Variants in TUSC3 observed in about 807,000 individuals in gnomAD.
TUSC3 encodes the protein tumor suppressor candidate 3, also known as dolichyl-diphosphooligosaccharide--protein glycosyltransferase subunit TUSC3.
In TUSC3, 45 loss-of-function variants were observed where a neutral mutation model predicts 44.8. The ratio of observed to expected loss-of-function variants is 1.00; its 90% CI spans 0.79 to 1.29. The LOEUF (loss-of-function observed/expected upper bound fraction) is 1.29, where lower values mean the gene tolerates loss of function less well. TUSC3 is among the 50% of genes most tolerant of loss of function. The pLI is 0.00. For missense variants in TUSC3, 519 were observed against 437.9 expected (o/e 1.19, Z -1.65); for synonymous variants, 212 against 152.9 (o/e 1.39, Z -2.85).
At chr8:15,471,235 G>C (rs1800489717) in intron 1 of TUSC3, among the ~76,000 whole-genome samples, 1 of 152,102 alleles carries the variant, frequency 6.6e-6, no homozygotes, top group African/African-American at 2.4e-5. Flanking sequence ...TGTCTGTATA[G>C]CTCATGTTTA....
At position 15,764,010 on chromosome 8, in the gene TUSC3, C is replaced by T. The variant is rs2721227; in HGVS notation, c.*47-193C>T. On this transcript the variant is annotated intron_variant, in intron 10 of 10. Coordinates refer to ENST00000503731, the MANE Select transcript of TUSC3 (RefSeq NM_006765.4). ...ATCTTCTCTCACCCTGACCCTGTTCCCAACCTAAGCCTCATCTGGTTAAAG... is the reference window on the plus strand; with the variant it reads ...ATCTTCTCTCACCCTGACCCTGTTCTCAACCTAAGCCTCATCTGGTTAAAG... 9.8e-3 allele frequency among the ~76,000 whole-genome samples: 1,486 copies of T among 152,086 alleles called. 9 individuals carry two copies. Among genetic ancestry groups the T allele is most frequent in the Middle Eastern group, 0.027 (8 of 294 alleles).
chr8:15,846,912 A>C, the TUSC3 span, among the ~76,000 whole-genome samples: 3 of 151,570 alleles, frequency 2.0e-5, no homozygotes, highest in Non-Finnish European at 4.4e-5. Flanking sequence ...TTTAAGCCAA[A>C]GGGGGGAATA....
At chr8:15,509,406 C>G (rs368968267) in intron 2 of TUSC3, among the ~76,000 whole-genome samples, 1 of 152,068 alleles carries the variant, frequency 6.6e-6, no homozygotes, top group Non-Finnish European at 1.5e-5. Context: ...GTCAAGTGTT[C>G]GAAACCAGCC....
At chr8:15,538,917 G>C (rs1801578687), upstream of TUSC3, among the ~76,000 whole-genome samples, 1 of 150,304 alleles carries the variant, frequency 6.7e-6, no homozygotes. Context: ...TAGCATGATC[G>C]GAACTCACTG....
At position 15,561,217 on chromosome 8, in the gene TUSC3, C is replaced by G. The variant is rs542138393; in HGVS notation, c.138+20649C>G. 2.5e-3 allele frequency among the ~76,000 whole-genome samples: 351 copies of G among 138,978 alleles called. 3 individuals carry two copies. The highest frequency in any genetic ancestry group is 8.8e-3 in the African/African-American group (334 of 38,084). 91.2% of individuals were successfully genotyped at this position (138,978 alleles called of 152,430 possible). A position where few individuals can be genotyped will look rare whatever the true frequency, so the allele number is the denominator to read the frequency against. On this transcript the variant is annotated intron_variant, in intron 1 of 10. Transcript: ENST00000503731. ...TCCTTTCTGTTTGTTAGTTTTCCTTCTAACAGACAGGACCCTCAGCTGCAG... is the reference window on the plus strand; with the variant it reads ...TCCTTTCTGTTTGTTAGTTTTCCTTGTAACAGACAGGACCCTCAGCTGCAG...
intron 1 of TUSC3, among the ~76,000 whole-genome samples, chr8:15,437,948 C>T (rs982786540): frequency 6.6e-6 from 1 of 152,208 alleles, no homozygotes. Flanking sequence ...GTATGAGAAG[C>T]AGGCAGAATA....
At chr8:15,784,870 TA>T in the TUSC3 span, among the ~76,000 whole-genome samples, 3 of 152,130 alleles carry the variant, frequency 2.0e-5, no homozygotes, top group African/African-American at 7.2e-5. Flanking sequence ...ATGTATTGTG[TA>T]TTTTTAAAAT....
At chr8:15,627,804 CAT>C (rs1254538031) in intron 2 of TUSC3, among the ~76,000 whole-genome samples, 1 of 152,244 alleles carries the variant, frequency 6.6e-6, no homozygotes, top group Non-Finnish European at 1.5e-5. Flanking sequence ...GGCCAGACCC[CAT>C]GCTCACTCAC....
intron 6 of TUSC3, among the ~76,000 whole-genome samples, chr8:15,703,022 G>C (rs1809467908): frequency 6.6e-6 from 1 of 152,144 alleles, no homozygotes; most frequent in African/African-American, 2.4e-5. Flanking sequence ...AGGTAGTAGT[G>C]AGGCTATCTT....
chr8:15,617,120 A>ATGTGTGTGTGGG (rs1554460216), intron 1 of TUSC3, among the ~76,000 whole-genome samples: 1 of 123,720 alleles, frequency 8.1e-6, no homozygotes. Flanking sequence ...TATCTGTAAA[A>ATGTGTGTGTGGG]TGTGTGTGTG....
At chr8:15,601,372 A>C (rs1804283262) in intron 1 of TUSC3, among the ~76,000 whole-genome samples, 2 of 151,712 alleles carry the variant, frequency 1.3e-5, no homozygotes, top group Admixed American at 6.6e-5. Flanking sequence ...TGTCTAAAGC[A>C]ACGGGTTTAT....
At chr8:15,816,312 G>A in the TUSC3 span, among the ~76,000 whole-genome samples, 2 of 152,138 alleles carry the variant, frequency 1.3e-5, no homozygotes, top group Non-Finnish European at 1.5e-5. Context: ...TCCATTGCAT[G>A]AGTATAATCT....
the TUSC3 span, among the ~76,000 whole-genome samples, chr8:15,821,172 G>T: frequency 6.6e-6 from 1 of 151,928 alleles, no homozygotes; most frequent in Non-Finnish European, 1.5e-5. Flanking sequence ...TATAATTCTG[G>T]GTTGACAGTT....
At chr8:15,597,971 A>T (rs893895516) in intron 1 of TUSC3, among the ~76,000 whole-genome samples, 1 of 152,058 alleles carries the variant, frequency 6.6e-6, no homozygotes, top group Admixed American at 6.6e-5. Context: ...GCATGCACAC[A>T]CAACACTTAT....
rs1812320633 is a variant in TUSC3, at chr8:15,766,195, C to G, written c.*2039C>G. On this transcript the variant is annotated 3_prime_UTR_variant, in exon 11 of 11. Transcript: ENST00000503731. ...AATTTCATGCTTTAAAAAGCTGTGG[C>G]TTCTCTATAGACAACTGTTACATTA... The G allele has an allele frequency of 6.6e-6, 1 of 151,946 alleles. No individual in the cohort carries two copies. The highest frequency in any genetic ancestry group is 1.5e-5 in the Non-Finnish European group (1 of 67,960). The allele number at this position is 151,946 out of a possible 1,614,324, so 9.4% of individuals were successfully genotyped here.
intron 2 of TUSC3, among the ~76,000 whole-genome samples, chr8:15,486,531 G>A (rs1392627935): frequency 1.3e-5 from 2 of 151,956 alleles, no homozygotes; most frequent in East Asian, 1.9e-4. Context: ...TGCAACCTCC[G>A]CCTCCCAGGT....
chr8:15,832,034 G>A, the TUSC3 span, among the ~76,000 whole-genome samples: 3 of 152,102 alleles, frequency 2.0e-5, no homozygotes, highest in South Asian at 2.1e-4. Context: ...ATGTTGAAGG[G>A]AGCTAGAGAG....
intron 1 of TUSC3, among the ~76,000 whole-genome samples, chr8:15,568,410 C>G (rs1344413464): frequency 2.0e-5 from 3 of 152,086 alleles, no homozygotes; most frequent in African/African-American, 7.2e-5. Flanking sequence ...GTTCTCATAT[C>G]TGGTCATTCC....
intron 1 of TUSC3, among the ~76,000 whole-genome samples, chr8:15,594,436 A>G (rs575207281): frequency 1.3e-5 from 2 of 152,198 alleles, no homozygotes; most frequent in East Asian, 3.9e-4. Context: ...GCATGCCTCA[A>G]AATGTTTAAT....
Sources: allele counts gnomAD v4.1 joint callset (sites outside exome capture counted in the v4.1 genomes callset), GRCh38; gene constraint gnomAD v4.1.1; transcripts MANE v1.5; gene names NCBI Gene and HGNC (gene_info 2026-07-23, HGNC 2026-07-21).